Variants in MAPK10 observed in about 807,000 individuals in gnomAD.
MAPK10 encodes the protein JNK3 alpha protein kinase.
In MAPK10, 25 loss-of-function variants were observed where a neutral mutation model predicts 59.3. The ratio of observed to expected loss-of-function variants is 0.42; its 90% confidence interval spans 0.31 to 0.59. The LOEUF is 0.59. Among genes scored for constraint, MAPK10 ranks in the 20% least tolerant of loss-of-function variants. MAPK10 has a pLI of 0.15. For synonymous variants in MAPK10, 190 were observed against 200.5 expected (o/e 0.95, Z 0.44); for missense variants, 351 against 568.9 (o/e 0.62, Z 3.90).
intron 9 of MAPK10, among the ~76,000 whole-genome samples, chr4:86,097,785 T>C (rs996533479): frequency 7.9e-5 from 12 of 152,124 alleles, no homozygotes; most frequent in African/African-American, 2.9e-4. Flanking sequence ...CATTTGATAA[T>C]TCCAAATCAT....
intron 3 of MAPK10, chr4:86,192,916 T>A (rs1414067970): frequency 6.6e-6 from 1 of 152,208 alleles, no homozygotes; most frequent in Non-Finnish European, 1.5e-5. Context: ...TGGATTTATC[T>A]ACCTTTGGTT....
intron 1 of MAPK10, among the ~76,000 whole-genome samples, chr4:86,482,843 T>A (rs1457144127): frequency 6.6e-6 from 1 of 152,200 alleles, no homozygotes; most frequent in Non-Finnish European, 1.5e-5. Context: ...GATAAATCAC[T>A]GCCACCTAAC....
chr4:86,543,460 G>C (rs969371103), intron 1 of MAPK10, among the ~76,000 whole-genome samples: 2 of 152,066 alleles, frequency 1.3e-5, no homozygotes, highest in African/African-American at 4.8e-5. Flanking sequence ...GACTCTACAC[G>C]ATGGCTGAAG....
intron 2 of MAPK10, among the ~76,000 whole-genome samples, chr4:86,255,682 T>C (rs1410851682): frequency 5.9e-5 from 9 of 152,116 alleles, no homozygotes; most frequent in Non-Finnish European, 1.0e-4. Flanking sequence ...TAGAAAAGTT[T>C]ATCAAAAGCA....
chr4:86,161,084 A>G (rs2069469918), intron 3 of MAPK10, among the ~76,000 whole-genome samples: 1 of 152,002 alleles, frequency 6.6e-6, no homozygotes, highest in Admixed American at 6.6e-5. Flanking sequence ...TTGAAAGTAG[A>G]ATACGTGTGA....
chr4:86,107,696 A>C (rs2056786775), intron 4 of MAPK10: 3 of 992,966 alleles, frequency 3.0e-6, no homozygotes, highest in Non-Finnish European at 3.6e-6. Context: ...ACAGGCATTC[A>C]AATTTCCCAC....
At chr4:86,138,713 C>G (rs1472615602) in intron 4 of MAPK10, among the ~76,000 whole-genome samples, 13 of 151,386 alleles carry the variant, frequency 8.6e-5, no homozygotes, top group South Asian at 6.3e-4. Flanking sequence ...AGGAAATAAA[C>G]GGTATTCAAT....
chr4:86,411,660 T>A (rs1025428371), intron 1 of MAPK10, among the ~76,000 whole-genome samples: 1 of 152,232 alleles, frequency 6.6e-6, no homozygotes, highest in African/African-American at 2.4e-5. Flanking sequence ...GTAATGGCCT[T>A]CTTTGTCTCT....
chr4:86,098,672 G>T, intron 8 of MAPK10, 77 bp from the exon 9 acceptor site: 1 of 1,192,148 alleles, frequency 8.4e-7, no homozygotes, highest in Admixed American at 1.8e-5. Context: ...TCTGAAGGAG[G>T]AGGAAAAAGA....
intron 9 of MAPK10, among the ~76,000 whole-genome samples, chr4:86,086,195 A>G (rs1043837870): frequency 3.9e-5 from 6 of 152,186 alleles, no homozygotes; most frequent in African/African-American, 1.4e-4. Context: ...AATTTAAAAA[A>G]TCAAAACAAT....
chr4:86,264,888 C>CTTTT (rs397879051), intron 2 of MAPK10, among the ~76,000 whole-genome samples: 4,761 of 94,884 alleles, frequency 0.05, 224 homozygotes, highest in Middle Eastern at 0.098. Flanking sequence ...TGGCCCTGGA[C>CTTTT]TTTTTTTTTT....
At chr4:86,156,191 A>C (rs1370881296) in intron 4 of MAPK10, among the ~76,000 whole-genome samples, 1 of 152,056 alleles carries the variant, frequency 6.6e-6, no homozygotes, top group African/African-American at 2.4e-5. Context: ...TTTAAGATAA[A>C]CTAATCCATT....
At chr4:86,311,733 G>A (rs1578075080) in intron 2 of MAPK10, among the ~76,000 whole-genome samples, 1 of 152,136 alleles carries the variant, frequency 6.6e-6, no homozygotes, top group East Asian at 1.9e-4. Context: ...GAATCACACT[G>A]GTCCCAGGAT....
At chr4:86,553,415 G>A (rs1760011128) in intron 1 of MAPK10, among the ~76,000 whole-genome samples, 1 of 152,164 alleles carries the variant, frequency 6.6e-6, no homozygotes, top group African/African-American at 2.4e-5. Context: ...TTGAAAATTA[G>A]TTTTGGTTGT....
chr4:86,371,298 T>C (rs1481954310), intron 1 of MAPK10, among the ~76,000 whole-genome samples: 1 of 152,192 alleles, frequency 6.6e-6, no homozygotes, highest in Non-Finnish European at 1.5e-5. Context: ...TACAGACATT[T>C]GCTCTAGTCA....
At chr4:86,389,764 T>A (rs1741962995) in intron 1 of MAPK10, among the ~76,000 whole-genome samples, 2 of 152,232 alleles carry the variant, frequency 1.3e-5, no homozygotes, top group African/African-American at 2.4e-5. Context: ...AGAGGAAATA[T>A]TGTATGATGC....
chr4:86,428,591 G>A (rs1747614735), intron 1 of MAPK10, among the ~76,000 whole-genome samples: 1 of 152,146 alleles, frequency 6.6e-6, no homozygotes, highest in Admixed American at 6.5e-5. Context: ...CAGATAGACA[G>A]ATAGATAGAC....
intron 13 of MAPK10, 38 bp downstream of exon 13, chr4:86,029,158 CA>C: frequency 7.3e-7 from 1 of 1,376,392 alleles, no homozygotes; most frequent in African/African-American, 1.4e-5. Flanking sequence ...AGAAATTACA[CA>C]AGTACTAGTT....
chr4:86,426,292 G>A (rs548601808), intron 1 of MAPK10, among the ~76,000 whole-genome samples: 1 of 152,266 alleles, frequency 6.6e-6, no homozygotes, highest in Admixed American at 6.5e-5. Flanking sequence ...CTGCCACTAT[G>A]GATTGGATGC....
Sources: gnomAD v4.1 joint callset for allele counts (sites outside exome capture counted in the v4.1 genomes callset) on GRCh38, gnomAD v4.1.1 for gene constraint, MANE v1.5 for transcripts, NCBI Gene and HGNC (gene_info 2026-07-23, HGNC 2026-07-21) for gene names.